AOPEP: variants seen among roughly 807,000 people sequenced by gnomAD.
AOPEP encodes the protein aminopeptidase O.
Under a neutral mutation model 98.1 loss-of-function variants are expected in AOPEP, and 77 were observed. The ratio of observed to expected loss-of-function variants is 0.78; its 90% CI spans 0.65 to 0.95. The LOEUF (loss-of-function observed/expected upper bound fraction) is 0.95, where lower values mean the gene tolerates loss of function less well. AOPEP is among the 40% of genes least tolerant of loss of function. AOPEP has a pLI of 0.00. For missense variants in AOPEP, 1,024 were observed against 1,024.7 expected, an observed-to-expected ratio of 1.00 and a Z score of 0.01; for synonymous variants, 346 against 365.3, an observed-to-expected ratio of 0.95 and a Z score of 0.60.
chr9:94,913,619 G>C (rs766531188), intron 5 of AOPEP, among the ~76,000 whole-genome samples: 26 of 152,176 alleles, frequency 1.7e-4, no homozygotes, highest in Non-Finnish European at 3.5e-4. Flanking sequence ...AATTAAGAGA[G>C]ACATTTACTT....
intron 11 of AOPEP, among the ~76,000 whole-genome samples, chr9:94,983,934 TG>T: frequency 6.6e-6 from 1 of 151,424 alleles, no homozygotes; most frequent in East Asian, 2.0e-4. Context: ...TTTTGGGCCT[TG>T]CATATATTAA....
At chr9:94,912,170 G>A (rs2052144612) in intron 5 of AOPEP, among the ~76,000 whole-genome samples, 1 of 152,164 alleles carries the variant, frequency 6.6e-6, no homozygotes, top group Non-Finnish European at 1.5e-5. Flanking sequence ...TGATGCTGCT[G>A]GCAAGAGGGA....
intron 11 of AOPEP, among the ~76,000 whole-genome samples, chr9:94,997,507 T>C (rs1318432233): frequency 2.6e-5 from 4 of 152,168 alleles, no homozygotes; most frequent in African/African-American, 7.2e-5. Context: ...TACCTGCACA[T>C]TGGAATCCTG....
At chr9:95,031,071 A>G (rs1041698816) in intron 13 of AOPEP, among the ~76,000 whole-genome samples, 5 of 152,112 alleles carry the variant, frequency 3.3e-5, no homozygotes, top group African/African-American at 9.7e-5. Context: ...GCTAGGCTTG[A>G]TCCCAGGCTA....
In AOPEP at chr9:95,005,097, CG is replaced by C. The variant is rs539635656; in HGVS notation, c.1978-57del. On this transcript the variant is annotated intron_variant, in intron 11 of 16. Coordinates refer to ENST00000375315, the MANE Select transcript of AOPEP (RefSeq NM_001193329.3). ...GGCGGGCACGCCGAGTTAGCGGGCG[CG>C]GGGCAGGGAGGCCGGGGCCGCTCCC... 323 of 870,318 alleles carry C rather than the reference CG, an allele frequency of 3.7e-4. 2 individuals are homozygous for C. In the African/African-American group the frequency reaches 5.6e-3, roughly 15 times the overall value. 53.9% of individuals were successfully genotyped at this position (870,318 alleles called of 1,614,324 possible).
intron 14 of AOPEP, among the ~76,000 whole-genome samples, chr9:95,076,566 TTAAA>T (rs2069094299): frequency 6.6e-6 from 1 of 152,214 alleles, no homozygotes; most frequent in African/African-American, 2.4e-5. Flanking sequence ...AGATATCCTA[TTAAA>T]TAATCAATGT....
At chr9:95,057,283 TTAAAA>T in intron 13 of AOPEP, among the ~76,000 whole-genome samples, 1 of 152,258 alleles carries the variant, frequency 6.6e-6, no homozygotes, top group Admixed American at 6.5e-5. Flanking sequence ...TCAGCTGATC[TTAAAA>T]TAAATAAATA....
chr9:94,926,695 C>G (rs1229157289), intron 6 of AOPEP, among the ~76,000 whole-genome samples: 1 of 151,094 alleles, frequency 6.6e-6, no homozygotes, highest in East Asian at 2.0e-4. Context: ...AGGCCCCACC[C>G]GGGAGCAGGG....
intron 11 of AOPEP, 47 bp from the exon 12 acceptor site, chr9:95,005,111 C>G (rs2061884775): frequency 2.0e-6 from 2 of 1,012,230 alleles, no homozygotes; most frequent in South Asian, 4.3e-5. Flanking sequence ...GCAGGGAGGC[C>G]GGGGCCGCTC....
intron 9 of AOPEP, among the ~76,000 whole-genome samples, chr9:94,965,036 A>G (rs2059104973): frequency 6.6e-6 from 1 of 152,226 alleles, no homozygotes; most frequent in African/African-American, 2.4e-5. Context: ...AAATTTATAA[A>G]ATAATATATT....
chr9:95,146,525 A>G, the AOPEP span, among the ~76,000 whole-genome samples: 3 of 150,950 alleles, frequency 2.0e-5, no homozygotes, highest in African/African-American at 7.3e-5. Flanking sequence ...GAAAACGTAA[A>G]TAGTATTAAT....
chr9:95,034,972 CTTTTTTCT>C lies in AOPEP; in HGVS notation c.2116-25715_2116-25708del, dbSNP rs915786049. On this transcript the variant is annotated intron_variant, in intron 13 of 16. Transcript: ENST00000375315. ...ATTTGAAAGAAAACCATTTCTTTTTCTTTTTTCTTTTTTTTTTTTTTATACTTTTAAGT... is the reference window on the plus strand; with the variant it reads ...ATTTGAAAGAAAACCATTTCTTTTTCTTTTTTTTTTTTTATACTTTTAAGT... Among the ~76,000 whole-genome samples the C allele has an allele frequency of 2.3e-4, 10 of 42,704 alleles. No individual in the cohort carries two copies. In the South Asian group the frequency reaches 0.01, roughly 43 times the overall value. The allele number at this position is 42,704 out of a possible 152,430, so 28.0% of individuals were successfully genotyped here.
At chr9:95,127,055 T>C in the AOPEP span, 1 of 178,406 alleles carries the variant, frequency 5.6e-6, no homozygotes, top group African/African-American at 2.4e-5. Flanking sequence ...GGCAAACCAG[T>C]GACCACTACC....
intron 5 of AOPEP, among the ~76,000 whole-genome samples, chr9:94,898,971 C>A (rs10993386): frequency 0.9 from 136,505 of 152,042 alleles, 61,870 homozygotes; most frequent in East Asian, 0.97. Flanking sequence ...AATAAAAAGA[C>A]TTAAGTAGAC....
chr9:94,779,617 C>CA (rs1443111261), intron 3 of AOPEP, among the ~76,000 whole-genome samples: 1 of 151,860 alleles, frequency 6.6e-6, no homozygotes, highest in African/African-American at 2.4e-5. Flanking sequence ...AAATGCAGAT[C>CA]AAACTAGCAA....
chr9:94,895,456 C>A (rs1014874253), intron 5 of AOPEP, among the ~76,000 whole-genome samples: 4 of 143,026 alleles, frequency 2.8e-5, no homozygotes, highest in Non-Finnish European at 4.6e-5. Context: ...AGTAATGAAA[C>A]AACAAAAGAA....
intron 13 of AOPEP, among the ~76,000 whole-genome samples, chr9:95,055,302 G>A (rs947911386): frequency 1.3e-5 from 2 of 152,146 alleles, no homozygotes; most frequent in South Asian, 2.1e-4. Flanking sequence ...TGGGCAGTAA[G>A]GGGTGACTGC....
intron 10 of AOPEP, among the ~76,000 whole-genome samples, chr9:94,976,285 G>A (rs550151823): frequency 8.9e-4 from 134 of 150,898 alleles, no homozygotes; most frequent in African/African-American, 3.1e-3. Flanking sequence ...TGAAGACTTT[G>A]GACCTCACTT....
At chr9:95,082,528 G>T (rs772077492) in intron 15 of AOPEP, 47 bp from the exon 16 acceptor site, 1 of 1,602,758 alleles carries the variant, frequency 6.2e-7, no homozygotes, top group Non-Finnish European at 8.5e-7. Flanking sequence ...CGTGTGTGTG[G>T]GTACCCACAC....
Sources: gnomAD v4.1 joint callset for allele counts (sites outside exome capture counted in the v4.1 genomes callset) on GRCh38, gnomAD v4.1.1 for gene constraint, MANE v1.5 for transcripts, NCBI Gene and HGNC (gene_info 2026-07-23, HGNC 2026-07-21) for gene names.